The following CD207 variants were observed in gnomAD, a reference collection of about 807,000 sequenced individuals.
CD207 encodes the protein C-type lectin domain family 4 member K.
A neutral mutation model predicts 31.6 loss-of-function variants in CD207; 28 were observed. The observed-to-expected ratio is 0.89, with a 90% CI of 0.66 to 1.21. CD207 has a LOEUF of 1.21. CD207 is among the 50% of genes most tolerant of loss of function. The pLI, the probability that CD207 is intolerant of heterozygous loss-of-function variation, is 0.00. For missense variants in CD207, 388 were observed against 397.8 expected (o/e 0.98, Z 0.21); for synonymous variants, 168 against 153.9 (o/e 1.09, Z -0.68).
intron 2 of CD207, among the ~76,000 whole-genome samples, chr2:70,834,970 G>T (rs1331179253): frequency 3.3e-5 from 5 of 152,236 alleles, no homozygotes; most frequent in African/African-American, 1.2e-4. Context: ...TCTTCACAGG[G>T]ACAGGAGAAT....
Position 70,831,742 on chromosome 2 carries a change from G to A in CD207, c.795C>T (p.Ser265=). The A allele has an allele frequency of 6.2e-7, 1 of 1,613,636 alleles. No individual in the cohort carries two copies. Among genetic ancestry groups the A allele is most frequent in the Non-Finnish European group, 8.5e-7 (1 of 1,179,574 alleles). Reference sequence around the variant, plus strand: ...TGTTGAATGGCGTGTCATCCACCCAGGACCAGTCCCCTTCCATCCCTGCTT... The same window carrying A: ...TGTTGAATGGCGTGTCATCCACCCAAGACCAGTCCCCTTCCATCCCTGCTT... ...LTKAGMEGDW[S]WVDDTPFNKV... The change falls in exon 5 of 6, where the codon TCC becomes TCT. Residue 265 remains serine, a synonymous_variant. Transcript: ENST00000410009.
At chr2:70,824,897 T>C in the CD207 span, among the ~76,000 whole-genome samples, 131 of 152,308 alleles carry the variant, frequency 8.6e-4, no homozygotes, top group East Asian at 0.024. Context: ...CTGAGAAAAG[T>C]AGAGTGTAAC....
chr2:70,833,295 A>G (rs986250804), intron 3 of CD207, among the ~76,000 whole-genome samples: 1 of 152,182 alleles, frequency 6.6e-6, no homozygotes, highest in Non-Finnish European at 1.5e-5. Flanking sequence ...TGTCTTCCCC[A>G]TGATGAGGAA....
chr2:70,831,680 C>G (rs3213748), intron 5 of CD207, 21 bp downstream of exon 5: 89,764 of 1,472,176 alleles, frequency 0.061, 3,917 homozygotes, highest in African/African-American at 0.17. Context: ...CAGGCTGGCA[C>G]GGAGGGCTCC....
chr2:70,833,716 A>G lies in CD207; in HGVS notation c.495T>C (p.Ser165=), dbSNP rs782256202. Reference sequence around the variant, plus strand: ...GTGCCCGGATCTTTGTATTTAAAGCACTGGCTTTCTCCAAATCACTTTTTA... The same window carrying G: ...GTGCCCGGATCTTTGTATTTAAAGCGCTGGCTTTCTCCAAATCACTTTTTA... The part of the protein sequence containing the change: ...PELKSDLEKA[S]ALNTKIRALQ... Residue 165 remains serine (S), a synonymous_variant, in exon 3 of 6, where the codon AGT becomes AGC. Coordinates refer to ENST00000410009, the MANE Select transcript of CD207 (RefSeq NM_015717.5). The G allele has an allele frequency of 6.2e-6, 10 of 1,613,868 alleles. No individual in the cohort carries two copies. In the African/African-American group the frequency reaches 1.3e-4, roughly 22 times the overall value.
chr2:70,835,660 GCA>G, intron 1 of CD207, 42 bp downstream of exon 1: 2 of 1,610,022 alleles, frequency 1.2e-6, no homozygotes, highest in Middle Eastern at 1.7e-4. Context: ...GGGCAGGTTT[GCA>G]CACAGAACAC....
chr2:70,833,737 T>G lies in CD207; in HGVS notation c.474A>C (p.Lys158Asn). The G allele has an allele frequency of 6.2e-7, 1 of 1,614,022 alleles. No homozygotes were observed. Among genetic ancestry groups the G allele is most frequent in the Non-Finnish European group, 8.5e-7 (1 of 1,179,902 alleles). ...STLNAQIPEL[K>N]SDLEKASALN... ...AAGCACTGGCTTTCTCCAAATCACT[T>G]TTTAACTCTGGGATTTGGGCATTTA... is the stretch of plus-strand genomic sequence containing the variant. Residue 158 changes from lysine (K) to asparagine (N), a missense_variant, in exon 3 of 6, where the codon AAA becomes AAC. By Grantham distance (94) the Lys-to-Asn change is moderately conservative. Transcript: ENST00000410009.
Position 70,831,943 on chromosome 2 carries a change from T to G in CD207, c.718-124A>C, listed in dbSNP as rs1421094559. The G allele has an allele frequency of 4.5e-6, 3 of 667,898 alleles. No homozygotes were observed. The African/African-American group carries it at 5.3e-5, about 12-fold the overall frequency. The allele number at this position is 667,898 out of a possible 1,614,324, so 41.4% of individuals were successfully genotyped here. A position where few individuals can be genotyped will look rare whatever the true frequency, so the allele number is the denominator to read the frequency against. ...CACAGATGCGCTGCACAAACTGGCC[T>G]CTCAAGCTTCTTCCTGCCCTTGCCC... On this transcript the variant is annotated intron_variant, in intron 4 of 5. Coordinates refer to ENST00000410009, the MANE Select transcript of CD207 (RefSeq NM_015717.5).
chr2:70,826,620 C>A (rs1268630368), downstream of CD207, among the ~76,000 whole-genome samples: 1 of 152,178 alleles, frequency 6.6e-6, no homozygotes, highest in Non-Finnish European at 1.5e-5. Context: ...CTCAAGTGAT[C>A]CTCCTGCCTT....
At chr2:70,827,024 C>T (rs1466272879), downstream of CD207, among the ~76,000 whole-genome samples, 1 of 152,148 alleles carries the variant, frequency 6.6e-6, no homozygotes, top group Non-Finnish European at 1.5e-5. Flanking sequence ...AGCTGCCTGT[C>T]CCCTGCTTCA....
At chr2:70,824,727 C>T in the CD207 span, among the ~76,000 whole-genome samples, 6 of 139,972 alleles carry the variant, frequency 4.3e-5, no homozygotes, top group Non-Finnish European at 9.3e-5. Context: ...TGAGCAAAAA[C>T]AAAACAAAAA....
the CD207 span, among the ~76,000 whole-genome samples, chr2:70,824,237 C>A: frequency 6.6e-6 from 1 of 151,166 alleles, no homozygotes; most frequent in Admixed American, 6.6e-5. Context: ...TTACACCCTA[C>A]AAAATACAGC....
downstream of CD207, among the ~76,000 whole-genome samples, chr2:70,827,555 T>G (rs1553399045): frequency 6.6e-6 from 1 of 152,118 alleles, no homozygotes; most frequent in Non-Finnish European, 1.5e-5. Context: ...AGGGCAACAA[T>G]GCCAGGAATA....
chr2:70,835,755 G>A lies in CD207; in HGVS notation c.22C>T (p.Pro8Ser), dbSNP rs1553400952. 6.2e-7 allele frequency: 1 copy of A among 1,612,700 alleles called. No individual in the cohort carries two copies. The highest frequency in any genetic ancestry group is 1.1e-5 in the South Asian group (1 of 90,662). The change falls in exon 1 of 6, where the codon CCT (proline) becomes TCT (serine). Residue 8 changes from proline (P) to serine (S), a missense_variant. Pro to Ser is a moderately conservative substitution (Grantham distance 74). Coordinates refer to ENST00000410009, the MANE Select transcript of CD207 (RefSeq NM_015717.5). ...TTGTCCACAGTGAAGTGCGCATCAG[G>A]GGCCTCCTTCTCCACAGTCATCCTG... MTVEKEA[P>S]DAHFTVDKQN...
chr2:70,830,894 G>T lies in CD207; in HGVS notation c.*156C>A. 1 of 651,644 alleles carries T rather than the reference G, an allele frequency of 1.5e-6. No homozygotes were observed. The highest frequency in any genetic ancestry group is 2.5e-6 in the Non-Finnish European group (1 of 393,934). 40.4% of individuals were successfully genotyped at this position (651,644 alleles called of 1,614,324 possible). On this transcript the variant is annotated 3_prime_UTR_variant, in exon 6 of 6. Coordinates refer to ENST00000410009, the MANE Select transcript of CD207 (RefSeq NM_015717.5). ...CCTCCAAGACGTCAGAGAATTTCCA[G>T]CCAAGACAGACGGACTCCAGAATGC...
downstream of CD207, among the ~76,000 whole-genome samples, chr2:70,826,285 A>C (rs13015305): frequency 0.6 from 91,728 of 151,852 alleles, 28,195 homozygotes; most frequent in Middle Eastern, 0.7. Context: ...CTCTGAAAAA[A>C]CACCAGGACA....
At chr2:70,829,182 G>A (rs1456865290), downstream of CD207, among the ~76,000 whole-genome samples, 1 of 152,216 alleles carries the variant, frequency 6.6e-6, no homozygotes, top group African/African-American at 2.4e-5. Context: ...ACCAACCAGA[G>A]ATCCCCGACC....
In CD207 at chr2:70,835,509, G is replaced by C. The variant is rs782316540; in HGVS notation, c.172C>G (p.Leu58Val). ...GACTTACAAAGGACGGCCTGCAGCA[G>C]GACGGAGGCGACCAGGACCAGCGTC... ...CLTLVLVASV[L>V]LQAVLYPRFM... The change falls in exon 2 of 6, where the codon CTG (leucine) becomes GTG (valine). Residue 58 changes from leucine (L) to valine (V), a missense_variant. Leu to Val is a conservative substitution (Grantham distance 32, BLOSUM62 1). Coordinates refer to ENST00000410009, the MANE Select transcript of CD207 (RefSeq NM_015717.5). 9 of 1,613,110 alleles carry C rather than the reference G, an allele frequency of 5.6e-6. No homozygotes were observed. In the South Asian group the frequency reaches 8.8e-5, roughly 16 times the overall value.
chr2:70,832,702 T>A (rs1335324622), intron 4 of CD207, among the ~76,000 whole-genome samples, 198 bp downstream of exon 4: 1 of 152,230 alleles, frequency 6.6e-6, no homozygotes, highest in Non-Finnish European at 1.5e-5. Flanking sequence ...TGAAGACTCC[T>A]TGGGCCTGGG....
Sources: allele counts gnomAD v4.1 joint callset (sites outside exome capture counted in the v4.1 genomes callset), GRCh38; gene constraint gnomAD v4.1.1; transcripts MANE v1.5; gene names NCBI Gene and HGNC (gene_info 2026-07-23, HGNC 2026-07-21).